The following QSER1 variants were observed in gnomAD, a reference collection of about 807,000 sequenced individuals.
QSER1 encodes glutamine and serine rich 1.
Under a neutral mutation model 158.5 loss-of-function variants are expected in QSER1, and 49 were observed. The ratio of observed to expected loss-of-function variants is 0.31; its 90% CI spans 0.25 to 0.39. The LOEUF (loss-of-function observed/expected upper bound fraction) is 0.39, where lower values mean the gene tolerates loss of function less well. Among genes scored for constraint, QSER1 ranks in the 10% least tolerant of loss-of-function variants. QSER1 has a pLI of 1.00. For missense variants in QSER1, 1,754 were observed against 2,010.3 expected, an observed-to-expected ratio of 0.87 and a Z score of 2.44; for synonymous variants, 650 against 715.5, an observed-to-expected ratio of 0.91 and a Z score of 1.46.
At chr11:32,914,596 C>G (rs193180417) in intron 1 of QSER1, among the ~76,000 whole-genome samples, 1 of 152,186 alleles carries the variant, frequency 6.6e-6, no homozygotes, top group Non-Finnish European at 1.5e-5. Context: ...GAAACATTTG[C>G]TAATTGATTT....
At chr11:32,909,511 C>T (rs1851737773) in intron 1 of QSER1, among the ~76,000 whole-genome samples, 1 of 151,730 alleles carries the variant, frequency 6.6e-6, no homozygotes, top group Non-Finnish European at 1.5e-5. Context: ...ACGATCTTGG[C>T]TCACTGCAAC....
chr11:32,932,098 G>A lies in QSER1; in HGVS notation c.840G>A (p.Leu280=), dbSNP rs1332361216. 6.2e-7 allele frequency: 1 copy of A among 1,614,132 alleles called. No individual in the cohort carries two copies. Among genetic ancestry groups the A allele is most frequent in the Admixed American group, 1.7e-5 (1 of 60,022 alleles). ...APHLLQPQFS[L]LPSALGGSQQ... is the part of the protein sequence containing the mutation. ...ATCTTTTACAACCTCAATTTAGTTT[G>A]TTGCCTTCAGCACTTGGGGGATCCC... is the stretch of plus-strand genomic sequence containing the variant. Residue 280 remains leucine (L), a synonymous_variant, in exon 4 of 13, where the codon TTG becomes TTA. Coordinates refer to ENST00000650167, the MANE Select transcript of QSER1 (RefSeq NM_001076786.3).
chr11:32,925,097 T>G (rs1323739631), intron 1 of QSER1, among the ~76,000 whole-genome samples: 2 of 152,252 alleles, frequency 1.3e-5, no homozygotes, highest in African/African-American at 4.8e-5. Flanking sequence ...CTAAGATGTT[T>G]GTGTACCACA....
At chr11:32,945,601 G>A (rs1356972335) in intron 4 of QSER1, among the ~76,000 whole-genome samples, 1 of 152,108 alleles carries the variant, frequency 6.6e-6, no homozygotes, top group Admixed American at 6.5e-5. Context: ...TCTGCCGAGA[G>A]ATCCGCTGTT....
chr11:32,925,289 G>T (rs1391374364), intron 1 of QSER1, among the ~76,000 whole-genome samples: 2 of 152,100 alleles, frequency 1.3e-5, no homozygotes, highest in African/African-American at 4.8e-5. Flanking sequence ...AAGGGCTAAA[G>T]ATTTGAATAA....
At chr11:32,962,072 A>T (rs552846136) in intron 8 of QSER1, among the ~76,000 whole-genome samples, 3 of 152,178 alleles carry the variant, frequency 2.0e-5, no homozygotes, top group African/African-American at 7.2e-5. Context: ...TGTTTTCCAC[A>T]TGGTTACACC....
At chr11:32,925,565 T>C (rs1360589038) in intron 1 of QSER1, among the ~76,000 whole-genome samples, 1 of 151,858 alleles carries the variant, frequency 6.6e-6, no homozygotes, top group Non-Finnish European at 1.5e-5. Context: ...TCTTGTTCTG[T>C]CACCCAGGCT....
chr11:32,965,944 A>AACACACACACACACACACACAC lies in QSER1; in HGVS notation c.4970-335_4970-314dup, dbSNP rs5790910. 2.5e-3 allele frequency among the ~76,000 whole-genome samples: 304 copies of AACACACACACACACACACACAC among 123,606 alleles called. 8 individuals are homozygous for AACACACACACACACACACACAC. Among genetic ancestry groups the AACACACACACACACACACACAC allele is most frequent in the South Asian group, 6.0e-3 (19 of 3,172 alleles). The allele number at this position is 123,606 out of a possible 152,430, so 81.1% of individuals were successfully genotyped here. ...CAACAAGAGTGAAACTCTGTCTCAA[A>AACACACACACACACACACACAC]ACACACACACACACACACACACACA... is the stretch of plus-strand genomic sequence containing the variant. On this transcript the variant is annotated intron_variant, in intron 8 of 12. Coordinates refer to ENST00000650167, the MANE Select transcript of QSER1 (RefSeq NM_001076786.3).
chr11:32,945,621 G>C (rs1852317860), intron 4 of QSER1, among the ~76,000 whole-genome samples: 1 of 151,750 alleles, frequency 6.6e-6, no homozygotes, highest in Non-Finnish European at 1.5e-5. Flanking sequence ...TAGTCTGATG[G>C]GCTTCCCTTT....
At chr11:32,928,957 A>C (rs1161727588) in intron 3 of QSER1, among the ~76,000 whole-genome samples, 1 of 152,144 alleles carries the variant, frequency 6.6e-6, no homozygotes, top group Non-Finnish European at 1.5e-5. Flanking sequence ...TCATGTATTT[A>C]GTTAGATTTT....
At chr11:32,894,021 A>G (rs1441173336) in intron 1 of QSER1, among the ~76,000 whole-genome samples, 1 of 151,906 alleles carries the variant, frequency 6.6e-6, no homozygotes, top group Non-Finnish European at 1.5e-5. Flanking sequence ...GGAAGTAAGG[A>G]ATCTTTCTTT....
At chr11:32,973,314 C>A in intron 10 of QSER1, 83 bp from the exon 11 acceptor site, 1 of 1,441,098 alleles carries the variant, frequency 6.9e-7, no homozygotes, top group Non-Finnish European at 9.7e-7. Flanking sequence ...TGTGTGCACA[C>A]ACACTTCTAA....
intron 1 of QSER1, among the ~76,000 whole-genome samples, chr11:32,915,040 C>A (rs1040054944): frequency 6.6e-6 from 1 of 152,084 alleles, no homozygotes; most frequent in African/African-American, 2.4e-5. Context: ...CCACCTTAGC[C>A]CCCCTGAGTA....
At chr11:32,946,221 CCTT>C (rs1480361394) in intron 4 of QSER1, among the ~76,000 whole-genome samples, 2 of 152,172 alleles carry the variant, frequency 1.3e-5, no homozygotes, top group African/African-American at 2.4e-5. Context: ...TCGTCTGAAG[CCTT>C]CTTCTCTCAG....
At chr11:32,929,984 C>G (rs545136039) in intron 3 of QSER1, among the ~76,000 whole-genome samples, 1 of 152,208 alleles carries the variant, frequency 6.6e-6, no homozygotes, top group African/African-American at 2.4e-5. Flanking sequence ...GTGATAATGT[C>G]AGTCACTATG....
At chr11:32,964,739 T>TACACACACACACAC (rs1176492165) in intron 8 of QSER1, among the ~76,000 whole-genome samples, 2 of 100,758 alleles carry the variant, frequency 2.0e-5, no homozygotes, top group Non-Finnish European at 3.8e-5. Context: ...TATATATATA[T>TACACACACACACAC]ACACACACAC....
At position 32,932,016 on chromosome 11, in the gene QSER1, G is replaced by A; in HGVS notation, c.758G>A (p.Ser253Asn). Residue 253 changes from serine (S) to asparagine (N), a missense_variant, in exon 4 of 13, where the codon AGT becomes AAT. By Grantham distance (46) the Ser-to-Asn change is conservative (BLOSUM62 1). This residue lies in a region of QSER1 where 1,707 missense variants were observed against 1,919.6 expected (regional missense o/e 0.89). Transcript: ENST00000650167. Reference sequence around the variant, plus strand: ...GAGCGCCTGGGCAGTTCTGTATTAAGTAACAGCATACCACCTCAGTCTTCA... The same window carrying A: ...GAGCGCCTGGGCAGTTCTGTATTAAATAACAGCATACCACCTCAGTCTTCA... Reference protein sequence around the residue: ...AFERLGSSVLSNSIPPQSSTY... With the variant: ...AFERLGSSVLNNSIPPQSSTY... The A allele has an allele frequency of 6.2e-7, 1 of 1,614,202 alleles. No homozygotes were observed. Among genetic ancestry groups the A allele is most frequent in the South Asian group, 1.1e-5 (1 of 91,086 alleles).
chr11:32,949,456 C>G (rs1852387393), intron 4 of QSER1, among the ~76,000 whole-genome samples: 2 of 152,166 alleles, frequency 1.3e-5, no homozygotes, highest in Non-Finnish European at 2.9e-5. Flanking sequence ...TCAATAAGTA[C>G]TGTCCATGTA....
At position 32,893,005 on chromosome 11, in the gene QSER1, C is replaced by T. The variant is rs1327745028; in HGVS notation, c.-121C>T. 6.8e-6 allele frequency among the ~76,000 whole-genome samples: 1 copy of T among 147,644 alleles called. No homozygotes were observed. On this transcript the variant is annotated 5_prime_UTR_variant, in exon 1 of 13. Transcript: ENST00000650167. This position sits in a 1 kb window ranked among gnomAD's most constrained non-coding sequence, Gnocchi z 4.7. ...TGCTCGCCGGGGCCATGTGAGGGGGCAGCTCCCTCCACCGCCGCCGCCCCC... is the reference window on the plus strand; with the variant it reads ...TGCTCGCCGGGGCCATGTGAGGGGGTAGCTCCCTCCACCGCCGCCGCCCCC...
Sources: allele counts gnomAD v4.1 joint callset (sites outside exome capture counted in the v4.1 genomes callset), GRCh38; gene constraint gnomAD v4.1.1; regional missense constraint gnomAD v4.1.1; non-coding constraint Gnocchi (gnomAD v3.1); transcripts MANE v1.5; gene names NCBI Gene and HGNC (gene_info 2026-07-23, HGNC 2026-07-21).